CLYBL: variants seen among roughly 807,000 people sequenced by gnomAD.
The protein encoded by CLYBL is citramalyl-CoA lyase, also known as citramalyl-CoA lyase, mitochondrial.
In CLYBL, 31 loss-of-function variants were observed where a neutral mutation model predicts 38.9. The ratio of observed to expected loss-of-function variants is 0.80; its 90% CI spans 0.60 to 1.08. CLYBL has a LOEUF of 1.08. Among genes scored for constraint, CLYBL ranks in the 50% least tolerant of loss-of-function variants. The pLI is 0.00. For missense variants in CLYBL, 434 were observed against 411.6 expected (o/e 1.05, Z -0.47); for synonymous variants, 171 against 158.6 (o/e 1.08, Z -0.59).
At chr13:99,708,128 A>G (rs1378174294) in intron 1 of CLYBL, among the ~76,000 whole-genome samples, 7 of 152,154 alleles carry the variant, frequency 4.6e-5, no homozygotes, top group African/African-American at 1.7e-4. Flanking sequence ...ACAGGTGCCC[A>G]CTACCACACC....
intron 7 of CLYBL, among the ~76,000 whole-genome samples, chr13:99,879,799 A>G (rs1414249970): frequency 1.3e-5 from 2 of 152,154 alleles, no homozygotes; most frequent in Admixed American, 6.6e-5. Context: ...TCACTGGGCC[A>G]TTCTGTGATA....
At chr13:99,836,310 G>A (rs768309993) in intron 2 of CLYBL, among the ~76,000 whole-genome samples, 61 of 152,128 alleles carry the variant, frequency 4.0e-4, no homozygotes, top group Non-Finnish European at 8.1e-4. Context: ...GGAGTGAGGC[G>A]TTTCTTCCCC....
At chr13:99,764,201 ATG>A (rs1411093586) in intron 1 of CLYBL, among the ~76,000 whole-genome samples, 2 of 151,514 alleles carry the variant, frequency 1.3e-5, no homozygotes, top group Non-Finnish European at 2.9e-5. Flanking sequence ...AGGACTACAG[ATG>A]TGTACCACCA....
intron 2 of CLYBL, among the ~76,000 whole-genome samples, chr13:99,775,828 A>G (rs777010172): frequency 2.0e-5 from 3 of 152,010 alleles, no homozygotes; most frequent in African/African-American, 7.2e-5. Context: ...TTTTTCATCC[A>G]TAGAAACTTC....
intron 1 of CLYBL, among the ~76,000 whole-genome samples, chr13:99,770,697 C>T (rs1358024652): frequency 6.6e-6 from 1 of 152,054 alleles, no homozygotes; most frequent in Non-Finnish European, 1.5e-5. Flanking sequence ...AGCCACTGCG[C>T]CCGGCCGGGT....
chr13:99,741,244 C>G (rs1157651813), intron 1 of CLYBL, among the ~76,000 whole-genome samples: 1 of 152,150 alleles, frequency 6.6e-6, no homozygotes, highest in African/African-American at 2.4e-5. Context: ...GCACCCATGC[C>G]TGTTATGAAG....
chr13:99,804,954 GCTTT>G (rs1227603774), intron 2 of CLYBL, among the ~76,000 whole-genome samples: 1 of 152,026 alleles, frequency 6.6e-6, no homozygotes, highest in South Asian at 2.1e-4. Context: ...CTCCCATTCT[GCTTT>G]CTGTCTATAT....
At chr13:99,813,963 C>G (rs1235741569) in intron 2 of CLYBL, among the ~76,000 whole-genome samples, 3 of 152,190 alleles carry the variant, frequency 2.0e-5, no homozygotes, top group Admixed American at 2.0e-4. Flanking sequence ...CCTTCTCCAA[C>G]TGCCAAAGCC....
intron 7 of CLYBL, among the ~76,000 whole-genome samples, chr13:99,889,663 A>G (rs2052438094): frequency 6.6e-6 from 1 of 152,204 alleles, no homozygotes. Flanking sequence ...GCTGGTAAAA[A>G]TTCTAATCCT....
At chr13:99,813,185 G>T (rs1386930815) in intron 2 of CLYBL, among the ~76,000 whole-genome samples, 1 of 152,068 alleles carries the variant, frequency 6.6e-6, no homozygotes, top group Non-Finnish European at 1.5e-5. Flanking sequence ...TTCTAGATTT[G>T]CAAATGATCC....
At chr13:99,816,248 GT>G (rs1198312991) in intron 2 of CLYBL, among the ~76,000 whole-genome samples, 3 of 152,210 alleles carry the variant, frequency 2.0e-5, no homozygotes, top group Non-Finnish European at 4.4e-5. Flanking sequence ...GAACTCATTT[GT>G]TTAACAAATG....
At chr13:99,753,593 C>T (rs1164508336) in intron 1 of CLYBL, among the ~76,000 whole-genome samples, 3 of 152,158 alleles carry the variant, frequency 2.0e-5, no homozygotes, top group Non-Finnish European at 1.5e-5. Context: ...ATTAGTACGT[C>T]TTTAAAATTT....
intron 1 of CLYBL, among the ~76,000 whole-genome samples, chr13:99,679,427 C>T (rs905391802): frequency 3.3e-5 from 5 of 152,124 alleles, no homozygotes; most frequent in Non-Finnish European, 5.9e-5. Flanking sequence ...AAGAAATGCT[C>T]TTAATGTCCC....
chr13:99,846,228 G>A (rs943464859), intron 2 of CLYBL, among the ~76,000 whole-genome samples: 8 of 150,870 alleles, frequency 5.3e-5, no homozygotes, highest in Non-Finnish European at 1.0e-4. Context: ...ATGCAAAGGT[G>A]GAACCAACAT....
intron 2 of CLYBL, among the ~76,000 whole-genome samples, chr13:99,788,909 T>C (rs1202904557): frequency 6.6e-6 from 1 of 152,222 alleles, no homozygotes. Context: ...GGGATTCAAC[T>C]TCTTCCTGGT....
At chr13:99,741,357 G>C (rs4511391) in intron 1 of CLYBL, among the ~76,000 whole-genome samples, 44,786 of 152,130 alleles carry the variant, frequency 0.29, 7,370 homozygotes, top group Admixed American at 0.42. Flanking sequence ...GTCCCAGGGA[G>C]TGTGTCACCT....
At chr13:99,612,254 C>CT (rs1158652025) in intron 1 of CLYBL, among the ~76,000 whole-genome samples, 34 of 151,520 alleles carry the variant, frequency 2.2e-4, no homozygotes, top group East Asian at 1.4e-3. Flanking sequence ...CGATTTTTCT[C>CT]TTTTTTTTGT....
At chr13:99,834,995 C>T (rs2050901945) in intron 2 of CLYBL, among the ~76,000 whole-genome samples, 1 of 152,218 alleles carries the variant, frequency 6.6e-6, no homozygotes, top group African/African-American at 2.4e-5. Flanking sequence ...TTGGAACACA[C>T]CTCCCTCTTC....
intron 3 of CLYBL, among the ~76,000 whole-genome samples, chr13:99,860,740 C>T (rs2051580301): frequency 6.6e-6 from 1 of 152,204 alleles, no homozygotes; most frequent in African/African-American, 2.4e-5. Flanking sequence ...TAACAGAAGT[C>T]CTTTTGGCTG....
Sources: allele counts gnomAD v4.1 joint callset (sites outside exome capture counted in the v4.1 genomes callset), GRCh38; gene constraint gnomAD v4.1.1; transcripts MANE v1.5; gene names NCBI Gene and HGNC (gene_info 2026-07-23, HGNC 2026-07-21).